ARHGAP15: variants seen among roughly 807,000 people sequenced by gnomAD.
ARHGAP15 encodes the protein Rho GTPase activating protein 15.
ARHGAP15 carries 51 observed loss-of-function variants against 63.7 expected under a neutral mutation model. The ratio of observed to expected loss-of-function variants is 0.80; its 90% confidence interval spans 0.64 to 1.01. ARHGAP15 has a LOEUF of 1.01. ARHGAP15 is among the 50% of genes least tolerant of loss of function. The pLI, the probability that ARHGAP15 is intolerant of heterozygous loss-of-function variation, is 0.00. For synonymous variants in ARHGAP15, 191 were observed against 193.8 expected, an observed-to-expected ratio of 0.99 and a Z score of 0.12; for missense variants, 560 against 564.6, an observed-to-expected ratio of 0.99 and a Z score of 0.08.
intron 2 of ARHGAP15, among the ~76,000 whole-genome samples, chr2:143,197,850 A>G (rs1173179299): frequency 6.6e-6 from 1 of 152,036 alleles, no homozygotes; most frequent in African/African-American, 2.4e-5. Flanking sequence ...GATTTCTAGC[A>G]TCCTGTATAA....
chr2:143,337,772 ATAGCAAAATCC>A (rs1395871500), intron 6 of ARHGAP15, among the ~76,000 whole-genome samples: 3 of 152,182 alleles, frequency 2.0e-5, no homozygotes, highest in Non-Finnish European at 4.4e-5. Flanking sequence ...TGCTTATTCG[ATAGCAAAATCC>A]TACCAAAACA....
At chr2:143,190,418 G>A (rs561526143) in intron 2 of ARHGAP15, among the ~76,000 whole-genome samples, 5 of 152,280 alleles carry the variant, frequency 3.3e-5, no homozygotes, top group Admixed American at 6.5e-5. Flanking sequence ...CAATTTTCTG[G>A]ATGAAGGGAT....
chr2:143,308,973 T>C (rs369495693), intron 6 of ARHGAP15, among the ~76,000 whole-genome samples: 2 of 150,620 alleles, frequency 1.3e-5, no homozygotes, highest in East Asian at 3.9e-4. Context: ...AAATAATATA[T>C]TTTAAGAAAA....
At chr2:143,243,453 C>T (rs1331144293) in intron 5 of ARHGAP15, among the ~76,000 whole-genome samples, 2 of 152,036 alleles carry the variant, frequency 1.3e-5, no homozygotes, top group Non-Finnish European at 2.9e-5. Flanking sequence ...AAAAATCAGT[C>T]ATTTCTATTT....
At chr2:143,256,783 A>G (rs1040495960) in intron 6 of ARHGAP15, among the ~76,000 whole-genome samples, 1 of 152,102 alleles carries the variant, frequency 6.6e-6, no homozygotes, top group African/African-American at 2.4e-5. Flanking sequence ...GATTTGATTT[A>G]AGAATATGAA....
At chr2:143,642,607 C>A (rs1027740867) in intron 12 of ARHGAP15, among the ~76,000 whole-genome samples, 4 of 152,204 alleles carry the variant, frequency 2.6e-5, no homozygotes, top group African/African-American at 9.6e-5. Context: ...GCTATATGCT[C>A]CTCAAGGAGA....
At chr2:143,575,414 T>A (rs1357502180) in intron 11 of ARHGAP15, among the ~76,000 whole-genome samples, 1 of 152,072 alleles carries the variant, frequency 6.6e-6, no homozygotes, top group Non-Finnish European at 1.5e-5. Context: ...GAAAATGTAA[T>A]GTTTTGATGA....
At chr2:143,221,042 T>C (rs1308888204) in intron 4 of ARHGAP15, among the ~76,000 whole-genome samples, 7 of 152,176 alleles carry the variant, frequency 4.6e-5, no homozygotes, top group Non-Finnish European at 1.0e-4. Flanking sequence ...ACGTTTGCTT[T>C]ATCTCTCTTG....
intron 11 of ARHGAP15, among the ~76,000 whole-genome samples, chr2:143,575,164 A>C (rs761947430): frequency 1.3e-5 from 2 of 152,138 alleles, no homozygotes; most frequent in Admixed American, 6.6e-5. Flanking sequence ...CACTCTCCCT[A>C]TATGTGTAAG....
intron 12 of ARHGAP15, among the ~76,000 whole-genome samples, chr2:143,690,296 C>G (rs1254678227): frequency 6.6e-6 from 1 of 152,214 alleles, no homozygotes; most frequent in Non-Finnish European, 1.5e-5. Flanking sequence ...TGCTTTGAAG[C>G]AAATTTAGTG....
At chr2:143,173,016 T>C (rs989835147) in intron 2 of ARHGAP15, among the ~76,000 whole-genome samples, 11 of 152,138 alleles carry the variant, frequency 7.2e-5, no homozygotes, top group African/African-American at 2.4e-4. Context: ...CCAGACGATG[T>C]CAGTTGACAT....
At chr2:143,638,703 C>A (rs10183266) in intron 12 of ARHGAP15, among the ~76,000 whole-genome samples, 50,005 of 122,204 alleles carry the variant, frequency 0.41, 10,618 homozygotes, top group East Asian at 0.68. Context: ...AAAAAAAAAA[C>A]TCAGAGAAGA....
chr2:143,523,043 G>A (rs1694120903), intron 10 of ARHGAP15, among the ~76,000 whole-genome samples: 1 of 152,152 alleles, frequency 6.6e-6, no homozygotes, highest in Admixed American at 6.6e-5. Flanking sequence ...TGCAAAGCAT[G>A]TAATTGACTA....
chr2:143,404,689 A>G lies in ARHGAP15; in HGVS notation c.475-30912A>G, dbSNP rs148028800. 7.3e-4 allele frequency among the ~76,000 whole-genome samples: 111 copies of G among 152,052 alleles called. 4 individuals carry two copies. In the East Asian group the frequency reaches 8.7e-3, roughly 12 times the overall value. On this transcript the variant is annotated intron_variant, in intron 6 of 13. Transcript: ENST00000295095. The stretch of plus-strand genomic sequence containing the variant: ...CAGCAGCAAACACTTATGAATTCCT[A>G]CCAGGTGCCTGACACAAGCTCTAGG...
At chr2:143,551,926 G>A (rs563746612) in intron 10 of ARHGAP15, among the ~76,000 whole-genome samples, 2 of 152,270 alleles carry the variant, frequency 1.3e-5, no homozygotes, top group East Asian at 1.9e-4. Flanking sequence ...TAGAGGAGGA[G>A]GCATAGGTCT....
intron 9 of ARHGAP15, among the ~76,000 whole-genome samples, chr2:143,511,865 T>C (rs760823431): frequency 1.3e-5 from 2 of 152,228 alleles, no homozygotes; most frequent in Non-Finnish European, 2.9e-5. Context: ...AATGACAGTG[T>C]AGTTAAATCT....
At chr2:143,217,353 G>A (rs993977371) in intron 4 of ARHGAP15, among the ~76,000 whole-genome samples, 3 of 152,078 alleles carry the variant, frequency 2.0e-5, no homozygotes, top group African/African-American at 7.2e-5. Flanking sequence ...GGAGGGGGGT[G>A]GAGAAATCAT....
intron 13 of ARHGAP15, among the ~76,000 whole-genome samples, chr2:143,752,380 T>C (rs1469136236): frequency 1.3e-5 from 2 of 152,178 alleles, no homozygotes; most frequent in East Asian, 3.9e-4. Context: ...CACTATTATT[T>C]CTAAATGCCT....
At chr2:143,409,685 C>A (rs1446856913) in intron 6 of ARHGAP15, among the ~76,000 whole-genome samples, 1 of 152,068 alleles carries the variant, frequency 6.6e-6, no homozygotes, top group Non-Finnish European at 1.5e-5. Context: ...CATACCATTT[C>A]TATGCTTAAA....
Sources: allele counts gnomAD v4.1 joint callset (sites outside exome capture counted in the v4.1 genomes callset), GRCh38; gene constraint gnomAD v4.1.1; transcripts MANE v1.5; gene names NCBI Gene and HGNC (gene_info 2026-07-23, HGNC 2026-07-21).